The following IGSF21 variants were observed in gnomAD, a reference collection of about 807,000 sequenced individuals.
IGSF21 encodes immunoglobulin superfamily member 21.
IGSF21 carries 28 observed loss-of-function variants against 46.8 expected under a neutral mutation model. The observed-to-expected ratio is 0.60, with a 90% CI of 0.44 to 0.82. IGSF21 has a LOEUF of 0.82. Ranked by LOEUF, IGSF21 falls within the 40% of genes least tolerant of loss-of-function variation. The pLI is 0.00. For synonymous variants in IGSF21, 284 were observed against 273.6 expected, an observed-to-expected ratio of 1.04 and a Z score of -0.38; for missense variants, 624 against 665.5, an observed-to-expected ratio of 0.94 and a Z score of 0.69.
At chr1:18,155,266 TAGAG>T (rs758355171) in intron 1 of IGSF21, among the ~76,000 whole-genome samples, 8 of 152,112 alleles carry the variant, frequency 5.3e-5, no homozygotes, top group African/African-American at 1.4e-4. Flanking sequence ...GGATGGGACA[TAGAG>T]AGAGCCTCGC....
intron 1 of IGSF21, among the ~76,000 whole-genome samples, chr1:18,116,530 A>G (rs2086191669): frequency 6.6e-6 from 1 of 152,238 alleles, no homozygotes; most frequent in Non-Finnish European, 1.5e-5. Context: ...TGATGGGGCC[A>G]GCAGGCCATG....
At chr1:18,118,839 G>A (rs1341306350) in intron 1 of IGSF21, among the ~76,000 whole-genome samples, 1 of 152,098 alleles carries the variant, frequency 6.6e-6, no homozygotes, top group Admixed American at 6.6e-5. Flanking sequence ...CTTGCAGAAA[G>A]CAACTTCTTG....
In IGSF21 at chr1:18,365,619, A is replaced by G. The variant is rs1569885754; in HGVS notation, c.937A>G (p.Ile313Val). 2 of 1,614,148 alleles carry G rather than the reference A, an allele frequency of 1.2e-6. No homozygotes were observed. The highest frequency in any genetic ancestry group is 2.2e-5 in the East Asian group (1 of 44,872). The change falls in exon 6 of 10, where the codon ATC (isoleucine) becomes GTC (valine). Residue 313 changes from isoleucine to valine, a missense_variant. Ile to Val is a conservative substitution (Grantham distance 29). Transcript: ENST00000251296. The surrounding 1 kb of genome is among the most constrained non-coding windows in gnomAD (Gnocchi z 4.8). ...GCTCACCTGGACCCTCAACCCACAGATCGACAACGAGGCCCTCTTCAGCTG... is the reference window on the plus strand; with the variant it reads ...GCTCACCTGGACCCTCAACCCACAGGTCGACAACGAGGCCCTCTTCAGCTG... ...ALLTWTLNPQIDNEALFSCEV... is the reference protein window; with the variant it reads ...ALLTWTLNPQVDNEALFSCEV...
At chr1:18,349,589 A>C (rs1363694778) in intron 4 of IGSF21, among the ~76,000 whole-genome samples, 2 of 152,186 alleles carry the variant, frequency 1.3e-5, no homozygotes, top group Non-Finnish European at 2.9e-5. Flanking sequence ...AACCCAAGGC[A>C]TGAGAAGGGG....
At chr1:18,316,042 C>T (rs1311575664) in intron 3 of IGSF21, among the ~76,000 whole-genome samples, 2 of 152,144 alleles carry the variant, frequency 1.3e-5, no homozygotes, top group South Asian at 2.1e-4. Context: ...CAGGTATTCC[C>T]GCTTGACTCT....
At chr1:18,144,991 TTATC>T (rs1406082851) in intron 1 of IGSF21, among the ~76,000 whole-genome samples, 3 of 152,148 alleles carry the variant, frequency 2.0e-5, no homozygotes, top group Non-Finnish European at 4.4e-5. Flanking sequence ...CTGTTTTGAA[TTATC>T]TGACTCCAAA....
intron 4 of IGSF21, 80 bp from the exon 5 acceptor site, chr1:18,362,034 TG>T: frequency 1.1e-6 from 1 of 947,580 alleles, no homozygotes; most frequent in Non-Finnish European, 1.6e-6. Flanking sequence ...AGCATGGACG[TG>T]GCCCATCTTA....
chr1:18,307,185 G>A lies in IGSF21; in HGVS notation c.305+15198G>A, dbSNP rs111826395. On this transcript the variant is annotated intron_variant, in intron 3 of 9. Transcript: ENST00000251296. ...CTGCTTGGTTAATGTTCCTGGGCAT[G>A]TTGAGTATTTTGTGGGGACCATGGG... Among the ~76,000 whole-genome samples the A allele has an allele frequency of 2.5e-3, 375 of 152,012 alleles. 2 individuals are homozygous for A. The highest frequency in any genetic ancestry group is 8.7e-3 in the African/African-American group (359 of 41,466).
intron 2 of IGSF21, among the ~76,000 whole-genome samples, chr1:18,276,322 A>G (rs2085102535): frequency 6.6e-6 from 1 of 152,160 alleles, no homozygotes; most frequent in South Asian, 2.1e-4. Context: ...ACCTGCAGGC[A>G]TGGCTAGAAG....
At position 18,365,589 on chromosome 1, in the gene IGSF21, G is replaced by T. The variant is rs1213653238; in HGVS notation, c.907G>T (p.Ala303Ser). The part of the protein sequence containing the change: ...PSSDGTVEVR[A>S]LLTWTLNPQI... ...CAGTGACGGCACTGTGGAAGTACGT[G>T]CCCTGCTCACCTGGACCCTCAACCC... The change falls in exon 6 of 10, where the codon GCC becomes TCC. Residue 303 changes from alanine to serine, a missense_variant. Coordinates refer to ENST00000251296, the MANE Select transcript of IGSF21 (RefSeq NM_032880.5). This position sits in a 1 kb window ranked among gnomAD's most constrained non-coding sequence, Gnocchi z 4.8. The T allele has an allele frequency of 1.2e-6, 2 of 1,614,058 alleles. No individual in the cohort carries two copies. The highest frequency in any genetic ancestry group is 2.7e-5 in the African/African-American group (2 of 74,928).
chr1:18,323,001 G>A (rs2085619281), intron 3 of IGSF21, among the ~76,000 whole-genome samples: 1 of 152,148 alleles, frequency 6.6e-6, no homozygotes, highest in Admixed American at 6.5e-5. Flanking sequence ...GGCTGGACAG[G>A]GCAGGAAAGA....
chr1:18,368,088 G>T (rs2124634931), intron 6 of IGSF21, among the ~76,000 whole-genome samples: 1 of 152,150 alleles, frequency 6.6e-6, no homozygotes, highest in South Asian at 2.1e-4. Flanking sequence ...GTTGCCCAAG[G>T]TGAGTGGGGG....
chr1:18,278,203 CATTCATTTATTT>C (rs1328638061), intron 2 of IGSF21, among the ~76,000 whole-genome samples: 1,718 of 122,886 alleles, frequency 0.014, 35 homozygotes, highest in East Asian at 0.081. Flanking sequence ...AACATGGCTG[CATTCATTTATTT>C]ATTTATTTAT....
At chr1:18,342,106 T>A (rs1421527350) in intron 4 of IGSF21, among the ~76,000 whole-genome samples, 1 of 152,000 alleles carries the variant, frequency 6.6e-6, no homozygotes, top group Admixed American at 6.6e-5. Flanking sequence ...TTTGTTTTGT[T>A]TTGTCTTGAG....
rs553387880 is a variant in IGSF21, at chr1:18,281,346, G to T, written c.184-10520G>T. ...AGGCGAGGTGGGTGCATCACCCTGA[G>T]GTCAGGAGTTCGAGACCAGCCTGGC... On this transcript the variant is annotated intron_variant, in intron 2 of 9. Transcript: ENST00000251296. 5.1e-4 allele frequency among the ~76,000 whole-genome samples: 78 copies of T among 152,152 alleles called. 1 individual carries two copies. The highest frequency in any genetic ancestry group is 3.4e-3 in the Middle Eastern group (1 of 294).
chr1:18,347,148 A>G (rs908615035), intron 4 of IGSF21, among the ~76,000 whole-genome samples: 4 of 152,122 alleles, frequency 2.6e-5, no homozygotes, highest in African/African-American at 9.7e-5. Flanking sequence ...CCTCCTGGAC[A>G]GGCTTCTAGA....
intron 2 of IGSF21, among the ~76,000 whole-genome samples, chr1:18,246,451 C>A (rs1465391504): frequency 6.6e-6 from 1 of 152,096 alleles, no homozygotes; most frequent in Non-Finnish European, 1.5e-5. Context: ...CACAAGTCAG[C>A]TTAATTATGC....
intron 4 of IGSF21, among the ~76,000 whole-genome samples, chr1:18,339,044 C>T (rs768161794): frequency 5.9e-5 from 9 of 152,204 alleles, no homozygotes; most frequent in Non-Finnish European, 1.0e-4. Context: ...TCTCTGCCAC[C>T]GAGTGGGGCC....
At chr1:18,176,885 A>C (rs1181359637) in intron 1 of IGSF21, among the ~76,000 whole-genome samples, 1 of 152,248 alleles carries the variant, frequency 6.6e-6, no homozygotes, top group Non-Finnish European at 1.5e-5. Context: ...TGACTTTAGC[A>C]GTGCTATTAG....
Sources: gnomAD v4.1 joint callset for allele counts (sites outside exome capture counted in the v4.1 genomes callset) on GRCh38, gnomAD v4.1.1 for gene constraint, Gnocchi (gnomAD v3.1) non-coding constraint, MANE v1.5 for transcripts, NCBI Gene and HGNC (gene_info 2026-07-23, HGNC 2026-07-21) for gene names.